Variants in ZFP64 observed in about 807,000 individuals in gnomAD.
ZFP64 encodes ZFP64 zinc finger protein.
A neutral mutation model predicts 51.6 loss-of-function variants in ZFP64; 14 were observed. The observed-to-expected ratio is 0.27, with a 90% CI of 0.18 to 0.42. The LOEUF is 0.42. Among genes scored for constraint, ZFP64 ranks in the 10% least tolerant of loss-of-function variants. ZFP64 has a pLI of 1.00. For synonymous variants in ZFP64, 375 were observed against 361.4 expected, an observed-to-expected ratio of 1.04 and a Z score of -0.43; for missense variants, 754 against 906.8, an observed-to-expected ratio of 0.83 and a Z score of 2.16.
chr20:52,166,090 C>G, intron 2 of ZFP64, 65 bp from the exon 3 acceptor site: 1 of 1,496,526 alleles, frequency 6.7e-7, no homozygotes, highest in Non-Finnish European at 9.0e-7. Context: ...TGTCTGCCTA[C>G]TTTCCTTTGT....
At chr20:52,127,557 C>T (rs1979506379) in intron 5 of ZFP64, among the ~76,000 whole-genome samples, 1 of 152,176 alleles carries the variant, frequency 6.6e-6, no homozygotes, top group Middle Eastern at 3.2e-3. Context: ...CTTGCTTCCC[C>T]TTTGCCTTCT....
At chr20:52,163,697 G>C (rs1161089486) in intron 4 of ZFP64, among the ~76,000 whole-genome samples, 2 of 152,120 alleles carry the variant, frequency 1.3e-5, no homozygotes, top group Admixed American at 6.5e-5. Flanking sequence ...TGGGCAATTA[G>C]CGAAGCCAAA....
chr20:52,140,380 A>G (rs574412864), intron 5 of ZFP64, among the ~76,000 whole-genome samples: 37 of 152,332 alleles, frequency 2.4e-4, no homozygotes, highest in African/African-American at 8.2e-4. Context: ...TGTGAATGCA[A>G]AGGAAAAGTT....
intron 2 of ZFP64, 33 bp from the exon 3 acceptor site, chr20:52,166,058 T>C (rs1454355420): frequency 6.3e-7 from 1 of 1,584,568 alleles, no homozygotes; most frequent in Non-Finnish European, 8.6e-7. Context: ...ATTTTCTTAA[T>C]ATAAATGCCC....
chr20:52,135,778 T>C (rs984114179), intron 5 of ZFP64, among the ~76,000 whole-genome samples: 35 of 151,892 alleles, frequency 2.3e-4, no homozygotes, highest in Middle Eastern at 3.4e-3. Flanking sequence ...CATGAGCCAC[T>C]GCGCCCTGCC....
At chr20:52,104,326 G>C (rs1003819563) in intron 5 of ZFP64, among the ~76,000 whole-genome samples, 1 of 152,232 alleles carries the variant, frequency 6.6e-6, no homozygotes, top group Non-Finnish European at 1.5e-5. Context: ...CTGAAGCGGA[G>C]GATCCCGGGA....
chr20:52,094,778 G>C (rs6096748), intron 7 of ZFP64, among the ~76,000 whole-genome samples: 1 of 151,860 alleles, frequency 6.6e-6, no homozygotes, highest in Non-Finnish European at 1.5e-5. Context: ...AAAGGAAAAT[G>C]CAATACATTT....
intron 6 of ZFP64, chr20:52,097,584 A>G: frequency 1.5e-6 from 1 of 686,482 alleles, no homozygotes; most frequent in South Asian, 1.9e-5. Flanking sequence ...CCTCCTGAGT[A>G]GCTGGGATTA....
At chr20:52,096,146 T>C (rs2078985867) in intron 7 of ZFP64, among the ~76,000 whole-genome samples, 1 of 152,224 alleles carries the variant, frequency 6.6e-6, no homozygotes, top group Non-Finnish European at 1.5e-5. Context: ...CTCTGTCCTC[T>C]CAGTGAAGGG....
chr20:52,147,145 A>T (rs1310531333), downstream of ZFP64, among the ~76,000 whole-genome samples: 2 of 152,070 alleles, frequency 1.3e-5, no homozygotes, highest in African/African-American at 2.4e-5. Context: ...CCCTTATTTA[A>T]CTCCATTGTA....
chr20:52,164,649 A>G, intron 4 of ZFP64, 46 bp downstream of exon 4: 1 of 1,524,544 alleles, frequency 6.6e-7, no homozygotes. Flanking sequence ...ATCTCCTAGC[A>G]CAGAGCAGGT....
intron 5 of ZFP64, among the ~76,000 whole-genome samples, chr20:52,098,760 T>C (rs1009065619): frequency 1.3e-5 from 2 of 151,880 alleles, no homozygotes; most frequent in African/African-American, 4.8e-5. Flanking sequence ...TCCCAGCACT[T>C]TGGGAGGCTG....
At chr20:52,180,712 G>T (rs1365207719) in intron 2 of ZFP64, among the ~76,000 whole-genome samples, 2 of 152,150 alleles carry the variant, frequency 1.3e-5, no homozygotes, top group African/African-American at 4.8e-5. Context: ...GCTCGAAATG[G>T]CTTCCATGTA....
intron 4 of ZFP64, 68 bp downstream of exon 4, chr20:52,164,627 A>C: frequency 7.5e-7 from 1 of 1,331,318 alleles, no homozygotes; most frequent in East Asian, 2.3e-5. Context: ...CGTCTGACCT[A>C]TGTGGATCCC....
At chr20:52,111,000 G>T in intron 5 of ZFP64, 1 of 1,500,426 alleles carries the variant, frequency 6.7e-7, no homozygotes, top group Non-Finnish European at 9.3e-7. Flanking sequence ...TGTAGAAAGT[G>T]ACCGTATCCA....
At chr20:52,186,499 C>T (rs1983972359) in intron 2 of ZFP64, among the ~76,000 whole-genome samples, 1 of 147,998 alleles carries the variant, frequency 6.8e-6, no homozygotes, top group South Asian at 2.2e-4. Context: ...ATACTTCCAC[C>T]ACCCAAAACA....
chr20:52,088,221 G>A, intron 8 of ZFP64: 1 of 1,093,824 alleles, frequency 9.1e-7, no homozygotes, highest in Non-Finnish European at 1.3e-6. Flanking sequence ...TTTACCAAAA[G>A]TTGTTGTTCC....
intron 6 of ZFP64, chr20:52,098,411 G>A (rs1220978720): frequency 1.2e-6 from 2 of 1,611,780 alleles, no homozygotes; most frequent in African/African-American, 1.3e-5. Flanking sequence ...CTCAGAAGCG[G>A]CTCAGCACGC....
At position 52,088,525 on chromosome 20, in the gene ZFP64, G is replaced by A. The variant is rs112024834; in HGVS notation, c.1095C>T (p.Tyr365=). 1.6e-3 allele frequency: 2,656 copies of A among 1,614,174 alleles called. 50 individuals carry two copies. The African/African-American group carries it at 0.031, about 19-fold the overall frequency. ...TGAGGCTACTGCTGTCCACGGCAGC[G>A]TAGTCACACAGGTGACACTTGTGTG... The change falls in exon 8 of 9, where the codon TAC becomes TAT. Residue 365 remains tyrosine (Y), a synonymous_variant. Coordinates refer to the ZFP64 transcript ENST00000361387.
Sources: allele counts gnomAD v4.1 joint callset (sites outside exome capture counted in the v4.1 genomes callset), GRCh38; gene constraint gnomAD v4.1.1; transcripts MANE v1.5; gene names NCBI Gene and HGNC (gene_info 2026-07-23, HGNC 2026-07-21).